The following SMAD6 variants were observed in gnomAD, a reference collection of about 807,000 sequenced individuals.
SMAD6 encodes the protein SMAD family member 6, also known as MAD homolog 6.
SMAD6 carries 103 observed loss-of-function variants against 39.4 expected under a neutral mutation model. The ratio of observed to expected loss-of-function variants is 2.62; its 90% CI spans 2.23 to 3.08. SMAD6 has a LOEUF of 3.08. SMAD6 is among the 30% of genes most tolerant of loss of function. SMAD6 has a pLI of 0.00. For missense variants in SMAD6, 1,104 were observed against 742.9 expected (o/e 1.49, Z -5.65); for synonymous variants, 445 against 353.3 (o/e 1.26, Z -2.91).
chr15:66,739,432 C>T (rs1335002499), intron 3 of SMAD6, among the ~76,000 whole-genome samples: 1 of 152,192 alleles, frequency 6.6e-6, no homozygotes, highest in Non-Finnish European at 1.5e-5. Context: ...CCTTCTGTCC[C>T]ACATGGAGCA....
At position 66,703,723 on chromosome 15, in the gene SMAD6, CGGGCGGA is replaced by C; in HGVS notation, c.467_473del (p.Gly156ValfsTer23). On this transcript the variant is annotated frameshift_variant, in exon 1 of 4. Coordinates refer to ENST00000288840, the MANE Select transcript of SMAD6 (RefSeq NM_005585.5). LOFTEE classifies it high-confidence loss of function. ...GGGCGGCCCTGGAGCCGGCGGGCGGCGGGCGGAGTCGCGAAGCGCGCTCGCGGCTGCT... is the reference window on the plus strand; with the variant it reads ...GGGCGGCCCTGGAGCCGGCGGGCGGCGTCGCGAAGCGCGCTCGCGGCTGCT... 2.2e-6 allele frequency: 3 copies of C among 1,350,498 alleles called. No individual in the cohort carries two copies. The highest frequency in any genetic ancestry group is 2.9e-6 in the Non-Finnish European group (3 of 1,038,090). 83.7% of individuals were successfully genotyped at this position (1,350,498 alleles called of 1,614,324 possible). A position where few individuals can be genotyped will look rare whatever the true frequency, so the allele number is the denominator to read the frequency against.
At chr15:66,715,033 T>G (rs1893301040) in intron 2 of SMAD6, among the ~76,000 whole-genome samples, 1 of 114,742 alleles carries the variant, frequency 8.7e-6, no homozygotes, top group South Asian at 2.9e-4. Flanking sequence ...CACTGAGCTT[T>G]TTTTTTTTTT....
Position 66,741,851 on chromosome 15 carries a change from G to A in SMAD6, c.952+25353G>A, listed in dbSNP as rs1893821118. Reference sequence around the variant, plus strand: ...CCTCCGGGCAGCCCTACAGGTGCATGTCCTGAGGCATTGACTTGGACCCTT... The same window carrying A: ...CCTCCGGGCAGCCCTACAGGTGCATATCCTGAGGCATTGACTTGGACCCTT... On this transcript the variant is annotated intron_variant, in intron 3 of 3. Coordinates refer to ENST00000288840, the MANE Select transcript of SMAD6 (RefSeq NM_005585.5). 1.3e-5 allele frequency among the ~76,000 whole-genome samples: 2 copies of A among 152,196 alleles called. 1 individual carries two copies. The highest frequency in any genetic ancestry group is 4.1e-4 in the South Asian group (2 of 4,828).
Position 66,781,192 on chromosome 15 carries a change from CGCGCA to C in SMAD6, c.1151_1155del (p.Arg384GlnfsTer179). On this transcript the variant is annotated frameshift_variant, in exon 4 of 4. Transcript: ENST00000288840. LOFTEE classifies it high-confidence loss of function. Reference sequence around the variant, plus strand: ...CAGCGCAGCGAGTCGGTGCGGCGAACGCGCAGCAAGATCGGCTTCGGCATCCTGCT... The same window carrying C: ...CAGCGCAGCGAGTCGGTGCGGCGAACGCAAGATCGGCTTCGGCATCCTGCT... 6.2e-7 allele frequency: 1 copy of C among 1,608,028 alleles called. No individual in the cohort carries two copies. Among genetic ancestry groups the C allele is most frequent in the Non-Finnish European group, 8.5e-7 (1 of 1,179,704 alleles).
intron 3 of SMAD6, among the ~76,000 whole-genome samples, chr15:66,724,012 A>T (rs1893479689): frequency 6.6e-6 from 1 of 152,220 alleles, no homozygotes; most frequent in African/African-American, 2.4e-5. Flanking sequence ...GGCTATAGAT[A>T]ACCTTTCAAG....
Position 66,782,619 on chromosome 15 carries a change from C to T in SMAD6, c.*1084C>T, listed in dbSNP as rs1246656240. On this transcript the variant is annotated 3_prime_UTR_variant, in exon 4 of 4. Transcript: ENST00000288840. ...GTTCTGGAAGGTTAAATGATTTGCT[C>T]ATGAGACAAAATCAAGGTTAGAAGT... 1 of 152,196 alleles carries T rather than the reference C, an allele frequency of 6.6e-6. No individual in the cohort carries two copies. The allele number at this position is 152,196 out of a possible 1,614,324, so 9.4% of individuals were successfully genotyped here. A position where few individuals can be genotyped will look rare whatever the true frequency, so the allele number is the denominator to read the frequency against.
At chr15:66,759,346 G>C (rs1012786957) in intron 3 of SMAD6, among the ~76,000 whole-genome samples, 8 of 152,158 alleles carry the variant, frequency 5.3e-5, no homozygotes, top group Non-Finnish European at 1.2e-4. Flanking sequence ...AAGAGAGAGA[G>C]AGAGAGAGAG....
chr15:66,702,293 G>C lies in SMAD6; in HGVS notation c.-966G>C, dbSNP rs1312657782. The C allele has an allele frequency of 2.0e-5, 3 of 152,408 alleles. No individual in the cohort carries two copies. The South Asian group carries it at 6.2e-4, about 32-fold the overall frequency. The allele number at this position is 152,408 out of a possible 1,614,324, so 9.4% of individuals were successfully genotyped here. On this transcript the variant is annotated 5_prime_UTR_variant, in exon 1 of 4. Coordinates refer to ENST00000288840, the MANE Select transcript of SMAD6 (RefSeq NM_005585.5). ...GCTCCTCCGGGGGCCCTCAGTGTGC[G>C]TTTGAGGAGAACAAAAAAGAGAGAG... is the stretch of plus-strand genomic sequence containing the variant.
intron 3 of SMAD6, among the ~76,000 whole-genome samples, chr15:66,765,459 G>A (rs747214942): frequency 8.5e-5 from 13 of 152,174 alleles, no homozygotes; most frequent in Non-Finnish European, 1.5e-4. Context: ...TCCTGACCTC[G>A]TGATCTGCCT....
chr15:66,722,811 C>G (rs574476327), intron 3 of SMAD6, among the ~76,000 whole-genome samples: 1 of 152,068 alleles, frequency 6.6e-6, no homozygotes, highest in South Asian at 2.1e-4. Context: ...TAGAGCAGTC[C>G]TGGGGGAACA....
chr15:66,739,062 C>A (rs144099249), intron 3 of SMAD6, among the ~76,000 whole-genome samples: 53 of 150,564 alleles, frequency 3.5e-4, no homozygotes, highest in Middle Eastern at 3.4e-3. Flanking sequence ...AAGAGAGGAA[C>A]CTTACCCAGG....
intron 3 of SMAD6, among the ~76,000 whole-genome samples, chr15:66,722,298 T>C (rs1459009385): frequency 6.6e-6 from 1 of 151,870 alleles, no homozygotes; most frequent in Non-Finnish European, 1.5e-5. Flanking sequence ...GTATGCAGAG[T>C]GGTTTCAAAG....
At chr15:66,718,325 G>A (rs925329723) in intron 3 of SMAD6, among the ~76,000 whole-genome samples, 5 of 152,090 alleles carry the variant, frequency 3.3e-5, no homozygotes, top group African/African-American at 9.7e-5. Flanking sequence ...AGATCCCAAG[G>A]CCATTAGTTT....
At chr15:66,715,025 C>A (rs1379799585) in intron 2 of SMAD6, among the ~76,000 whole-genome samples, 1 of 125,146 alleles carries the variant, frequency 8.0e-6, no homozygotes, top group African/African-American at 3.4e-5. Flanking sequence ...CACTTGAGCA[C>A]TGAGCTTTTT....
At chr15:66,724,904 C>T (rs1461971869) in intron 3 of SMAD6, among the ~76,000 whole-genome samples, 1 of 152,140 alleles carries the variant, frequency 6.6e-6, no homozygotes, top group Non-Finnish European at 1.5e-5. Flanking sequence ...ACATTGGCGG[C>T]CTGCATCATC....
chr15:66,735,685 G>A (rs1049145330), intron 3 of SMAD6, among the ~76,000 whole-genome samples: 1 of 152,166 alleles, frequency 6.6e-6, no homozygotes, highest in South Asian at 2.1e-4. Flanking sequence ...CCCTGGGGAC[G>A]TGGAGAGGGA....
At chr15:66,749,618 A>C (rs1282617015) in intron 3 of SMAD6, among the ~76,000 whole-genome samples, 1 of 152,104 alleles carries the variant, frequency 6.6e-6, no homozygotes, top group Admixed American at 6.5e-5. Context: ...TACCTCAAAA[A>C]AACAAAAAAA....
intron 1 of SMAD6, chr15:66,704,313 G>A (rs1244327853): frequency 8.1e-6 from 3 of 372,208 alleles, no homozygotes; most frequent in Non-Finnish European, 1.4e-5. Context: ...GGTACATGTC[G>A]TAGTTTTCTC....
chr15:66,749,933 A>G (rs1346139314), intron 3 of SMAD6, among the ~76,000 whole-genome samples: 1 of 152,186 alleles, frequency 6.6e-6, no homozygotes, highest in Non-Finnish European at 1.5e-5. Flanking sequence ...TGAAGAGAGA[A>G]AGGGAAAATC....
Sources: allele counts gnomAD v4.1 joint callset (sites outside exome capture counted in the v4.1 genomes callset), GRCh38; gene constraint gnomAD v4.1.1; transcripts MANE v1.5; gene names NCBI Gene and HGNC (gene_info 2026-07-23, HGNC 2026-07-21).